The following FMN1 variants were observed in gnomAD, a reference collection of about 807,000 sequenced individuals.
FMN1 encodes formin 1.
A neutral mutation model predicts 132.4 loss-of-function variants in FMN1; 110 were observed. The observed-to-expected ratio is 0.83, with a 90% CI of 0.71 to 0.97. The LOEUF (loss-of-function observed/expected upper bound fraction) is 0.97, where lower values mean the gene tolerates loss of function less well. Among genes scored for constraint, FMN1 ranks in the 50% least tolerant of loss-of-function variants. The pLI is 0.00. For synonymous variants in FMN1, 722 were observed against 651.7 expected (o/e 1.11, Z -1.64); for missense variants, 1,792 against 1,705.3 (o/e 1.05, Z -0.90).
chr15:33,087,822 T>TACACAC (rs2038757622), intron 5 of FMN1, among the ~76,000 whole-genome samples: 4 of 99,638 alleles, frequency 4.0e-5, no homozygotes, highest in African/African-American at 1.4e-4. Context: ...CACATATATA[T>TACACAC]ACATATATAC....
chr15:32,877,162 C>G (rs2059656751), intron 16 of FMN1, among the ~76,000 whole-genome samples: 1 of 152,130 alleles, frequency 6.6e-6, no homozygotes, highest in Non-Finnish European at 1.5e-5. Context: ...TGGCGGGTGC[C>G]TGTAGTCCCA....
chr15:33,069,993 C>CTTTTTT lies in FMN1; in HGVS notation c.2044-4925_2044-4920dup, dbSNP rs1171369156. ...AACAGATCATAAGATCAGTCTTTCT[C>CTTTTTT]TTTTTTTTTTTTTTTTTTTTTTTTT... On this transcript the variant is annotated intron_variant, in intron 5 of 20. Transcript: ENST00000616417. Among the ~76,000 whole-genome samples the CTTTTTT allele has an allele frequency of 1.3e-3, 96 of 74,290 alleles. 1 individual carries two copies. Among genetic ancestry groups the CTTTTTT allele is most frequent in the Non-Finnish European group, 1.6e-3 (65 of 40,618 alleles). 48.7% of individuals were successfully genotyped at this position (74,290 alleles called of 152,430 possible).
At position 32,829,375 on chromosome 15, in the gene FMN1, T is replaced by C. The variant is rs576265445; in HGVS notation, c.3929-25043A>G. Among the ~76,000 whole-genome samples the C allele has an allele frequency of 1.4e-4, 21 of 152,354 alleles. No homozygotes were observed. In the South Asian group the frequency reaches 3.7e-3, roughly 27 times the overall value. On this transcript the variant is annotated intron_variant, in intron 17 of 20. Coordinates refer to ENST00000616417, the MANE Select transcript of FMN1 (RefSeq NM_001277313.2). ...CAGGAGGACTAGACAAGCCATCTTCTGCTTCCAGCTGCTAGTGTTTCTAGC... is the reference window on the plus strand; with the variant it reads ...CAGGAGGACTAGACAAGCCATCTTCCGCTTCCAGCTGCTAGTGTTTCTAGC...
At chr15:33,110,282 T>C (rs980007859) in intron 4 of FMN1, among the ~76,000 whole-genome samples, 4 of 152,036 alleles carry the variant, frequency 2.6e-5, no homozygotes, top group Non-Finnish European at 5.9e-5. Context: ...CTTTGCAGAA[T>C]TGTTCACAAT....
chr15:32,800,226 G>A (rs1271588139), intron 18 of FMN1, among the ~76,000 whole-genome samples: 3 of 152,162 alleles, frequency 2.0e-5, no homozygotes, highest in Non-Finnish European at 2.9e-5. Flanking sequence ...TTGTGCTTCT[G>A]TAAAGAATAA....
intron 6 of FMN1, chr15:33,062,550 AG>A (rs1188840071): frequency 2.6e-5 from 4 of 152,176 alleles, no homozygotes; most frequent in Non-Finnish European, 5.9e-5. Context: ...TGAACCTGGG[AG>A]GTGGAGCTTG....
intron 4 of FMN1, among the ~76,000 whole-genome samples, chr15:33,146,801 C>G (rs956008): frequency 6.6e-6 from 1 of 152,192 alleles, no homozygotes; most frequent in African/African-American, 2.4e-5. Context: ...AGTCATTTAT[C>G]TGCTCACAGC....
At chr15:32,965,993 G>C (rs1426845421) in intron 8 of FMN1, among the ~76,000 whole-genome samples, 1 of 152,114 alleles carries the variant, frequency 6.6e-6, no homozygotes, top group Non-Finnish European at 1.5e-5. Context: ...AGACGGGGGA[G>C]AAGTAGGATC....
intron 6 of FMN1, among the ~76,000 whole-genome samples, chr15:33,060,304 C>G (rs139331922): frequency 6.6e-6 from 1 of 152,194 alleles, no homozygotes; most frequent in Admixed American, 6.5e-5. Flanking sequence ...GAAATTAAAA[C>G]TCAAATTATA....
At chr15:33,065,668 C>A (rs1455704852) in intron 5 of FMN1, among the ~76,000 whole-genome samples, 2 of 152,164 alleles carry the variant, frequency 1.3e-5, no homozygotes, top group Middle Eastern at 3.4e-3. Context: ...GAAATTCTGC[C>A]AAAGACTTTC....
intron 7 of FMN1, among the ~76,000 whole-genome samples, chr15:33,001,295 A>G (rs969635855): frequency 6.6e-6 from 1 of 152,198 alleles, no homozygotes; most frequent in African/African-American, 2.4e-5. Context: ...AAAAGAAAAA[A>G]AAAAGTGTAG....
intron 4 of FMN1, among the ~76,000 whole-genome samples, chr15:33,120,678 A>G (rs543413689): frequency 1.8e-4 from 27 of 152,188 alleles, no homozygotes; most frequent in Non-Finnish European, 2.8e-4. Flanking sequence ...CAGTTCATAT[A>G]TATCTACATC....
At chr15:33,121,303 C>T (rs1962531667) in intron 4 of FMN1, among the ~76,000 whole-genome samples, 2 of 152,194 alleles carry the variant, frequency 1.3e-5, no homozygotes, top group Non-Finnish European at 2.9e-5. Flanking sequence ...TGACCAATTA[C>T]TTTGTACCTC....
At chr15:33,093,684 G>T (rs1168110159) in intron 4 of FMN1, among the ~76,000 whole-genome samples, 6 of 152,174 alleles carry the variant, frequency 3.9e-5, no homozygotes, top group African/African-American at 1.4e-4. Flanking sequence ...GGAAGTATGT[G>T]GGGAGAGAAA....
intron 17 of FMN1, among the ~76,000 whole-genome samples, chr15:32,807,302 C>G (rs2057716273): frequency 1.3e-5 from 2 of 152,212 alleles, no homozygotes; most frequent in South Asian, 4.1e-4. Flanking sequence ...CAGACGGAAG[C>G]CATGGCCAGG....
In FMN1 at chr15:33,128,517, T is replaced by C. The variant is rs549740319; in HGVS notation, c.1867+24531A>G. On this transcript the variant is annotated intron_variant, in intron 4 of 20. Transcript: ENST00000616417. ...GTTCTCAGAGTCATTACACTGAGAA[T>C]GAAACAGCGTGATATGTTAAGTAAA... Among the ~76,000 whole-genome samples, 7 of 152,354 alleles carry C rather than the reference T, an allele frequency of 4.6e-5. No individual in the cohort carries two copies. The East Asian group carries it at 1.2e-3, about 25-fold the overall frequency.
chr15:33,048,651 C>CAAAAAAAAAAAAAAAAAAAAA (rs1338668794), intron 6 of FMN1, among the ~76,000 whole-genome samples: 3 of 120,128 alleles, frequency 2.5e-5, no homozygotes, highest in Admixed American at 9.6e-5. Flanking sequence ...AAAAAAAAAC[C>CAAAAAAAAAAAAAAAAAAAAA]AACAGTTTAA....
intron 12 of FMN1, among the ~76,000 whole-genome samples, chr15:32,907,001 A>G (rs988366565): frequency 3.3e-5 from 5 of 152,090 alleles, no homozygotes; most frequent in Non-Finnish European, 7.4e-5. Context: ...TCAGCCATTT[A>G]AGATGTTTTC....
At chr15:33,172,414 G>A (rs1007580095) in intron 3 of FMN1, among the ~76,000 whole-genome samples, 5 of 152,140 alleles carry the variant, frequency 3.3e-5, no homozygotes, top group African/African-American at 1.2e-4. Context: ...ATCTGGAGGA[G>A]GAATAGCAAG....
Sources: gnomAD v4.1 joint callset for allele counts (sites outside exome capture counted in the v4.1 genomes callset) on GRCh38, gnomAD v4.1.1 for gene constraint, MANE v1.5 for transcripts, NCBI Gene and HGNC (gene_info 2026-07-23, HGNC 2026-07-21) for gene names.